Variants in FER observed in about 807,000 individuals in gnomAD.
FER encodes the protein tyrosine-protein kinase Fer.
A neutral mutation model predicts 111.0 loss-of-function variants in FER; 63 were observed. The ratio of observed to expected loss-of-function variants is 0.57; its 90% CI spans 0.46 to 0.70. FER has a LOEUF of 0.70. FER is among the 30% of genes least tolerant of loss of function. The pLI is 0.00. For missense variants in FER, 914 were observed against 954.0 expected, an observed-to-expected ratio of 0.96 and a Z score of 0.55; for synonymous variants, 327 against 313.9, an observed-to-expected ratio of 1.04 and a Z score of -0.44.
At chr5:108,785,684 C>T (rs1259481993) in intron 2 of FER, 1 of 334,662 alleles carries the variant, frequency 3.0e-6, no homozygotes, top group Non-Finnish European at 5.8e-6. Context: ...CCTAGTTAAT[C>T]TCTCTTGCTG....
intron 13 of FER, among the ~76,000 whole-genome samples, chr5:109,017,581 T>C (rs1002519389): frequency 1.8e-4 from 28 of 152,180 alleles, no homozygotes; most frequent in African/African-American, 6.0e-4. Context: ...AGATAACTTA[T>C]TTGCATATCA....
At chr5:108,948,979 C>A (rs1409265105) in intron 11 of FER, among the ~76,000 whole-genome samples, 3 of 152,086 alleles carry the variant, frequency 2.0e-5, no homozygotes, top group Admixed American at 6.6e-5. Context: ...TTTCTACACT[C>A]TGTTGACATG....
At chr5:109,025,468 T>A (rs1172398233) in intron 13 of FER, among the ~76,000 whole-genome samples, 6 of 152,078 alleles carry the variant, frequency 3.9e-5, no homozygotes, top group Admixed American at 3.3e-4. Context: ...GCACATTGAT[T>A]TTGTATCCTG....
At chr5:109,013,703 A>G (rs967905451) in intron 13 of FER, among the ~76,000 whole-genome samples, 2 of 151,970 alleles carry the variant, frequency 1.3e-5, no homozygotes, top group Admixed American at 1.3e-4. Flanking sequence ...CCAACAGTGT[A>G]AAAAAGTGTT....
At chr5:108,873,820 G>A (rs1263594074) in intron 8 of FER, among the ~76,000 whole-genome samples, 3 of 152,160 alleles carry the variant, frequency 2.0e-5, no homozygotes, top group African/African-American at 7.2e-5. Flanking sequence ...CAGTGCACAG[G>A]ACAGCCTCCC....
chr5:108,999,157 C>T (rs564184464), intron 13 of FER, among the ~76,000 whole-genome samples: 3 of 152,044 alleles, frequency 2.0e-5, no homozygotes, highest in Non-Finnish European at 4.4e-5. Context: ...TTAGTGTTAT[C>T]TATAATACTT....
At chr5:109,167,865 T>A (rs990362153) in intron 17 of FER, among the ~76,000 whole-genome samples, 1 of 151,930 alleles carries the variant, frequency 6.6e-6, no homozygotes, top group Non-Finnish European at 1.5e-5. Flanking sequence ...CTTCCAAAGG[T>A]AGAAAAGTTT....
At chr5:109,179,782 C>T (rs1582414397) in intron 17 of FER, among the ~76,000 whole-genome samples, 1 of 152,236 alleles carries the variant, frequency 6.6e-6, no homozygotes. Flanking sequence ...TGCAAATCTA[C>T]ACCATTTTAT....
intron 17 of FER, among the ~76,000 whole-genome samples, chr5:109,165,908 A>G (rs914335812): frequency 1.9e-4 from 29 of 152,150 alleles, no homozygotes; most frequent in Admixed American, 1.8e-3. Context: ...TCAATAAACA[A>G]TGTTTATAAA....
intron 16 of FER, among the ~76,000 whole-genome samples, chr5:109,048,614 G>T (rs1772320059): frequency 6.6e-6 from 1 of 152,122 alleles, no homozygotes; most frequent in African/African-American, 2.4e-5. Flanking sequence ...CTAGTAACCT[G>T]TTTATATTTT....
intron 13 of FER, among the ~76,000 whole-genome samples, chr5:108,991,969 A>G (rs199992125): frequency 0.18 from 27,841 of 151,514 alleles, 2,746 homozygotes; most frequent in Non-Finnish European, 0.22. Flanking sequence ...GGGAAGGTCA[A>G]CAGATAAACA....
At chr5:109,025,853 G>C (rs1413004119) in intron 13 of FER, among the ~76,000 whole-genome samples, 2 of 152,078 alleles carry the variant, frequency 1.3e-5, no homozygotes, top group African/African-American at 4.8e-5. Context: ...TTTGTCAAAG[G>C]CCTTTTTGAA....
intron 16 of FER, among the ~76,000 whole-genome samples, chr5:109,081,364 C>CT (rs945490743): frequency 6.6e-6 from 1 of 151,984 alleles, no homozygotes; most frequent in African/African-American, 2.4e-5. Context: ...TTAATCTTAT[C>CT]TTTTTCCCCA....
chr5:109,105,901 C>T (rs1242148738), intron 17 of FER, among the ~76,000 whole-genome samples: 3 of 152,172 alleles, frequency 2.0e-5, no homozygotes, highest in South Asian at 4.1e-4. Flanking sequence ...TGGAACAGTG[C>T]CTAGCAATTG....
chr5:109,002,205 C>A (rs1381700737), intron 13 of FER, among the ~76,000 whole-genome samples: 1 of 151,874 alleles, frequency 6.6e-6, no homozygotes, highest in Non-Finnish European at 1.5e-5. Flanking sequence ...AGGCATCACG[C>A]TACCTGACTT....
chr5:109,173,936 A>G (rs566793775), intron 17 of FER, among the ~76,000 whole-genome samples: 2 of 152,222 alleles, frequency 1.3e-5, no homozygotes, highest in Admixed American at 1.3e-4. Context: ...AGCACAAATT[A>G]TGCTCTCACT....
intron 5 of FER, among the ~76,000 whole-genome samples, chr5:108,860,593 T>A (rs1029931947): frequency 6.6e-6 from 1 of 152,206 alleles, no homozygotes. Context: ...GAATTTAACT[T>A]CCATGTGAAA....
intron 16 of FER, among the ~76,000 whole-genome samples, chr5:109,080,450 A>T (rs1776857404): frequency 6.6e-6 from 1 of 152,150 alleles, no homozygotes; most frequent in South Asian, 2.1e-4. Flanking sequence ...AAATAAAGTT[A>T]TATGAGTTGT....
chr5:109,084,007 G>T (rs1337951479), intron 16 of FER, among the ~76,000 whole-genome samples: 1 of 151,938 alleles, frequency 6.6e-6, no homozygotes, highest in African/African-American at 2.4e-5. Flanking sequence ...ACCTAACAAA[G>T]TATAATACAC....
Sources: allele counts gnomAD v4.1 joint callset (sites outside exome capture counted in the v4.1 genomes callset), GRCh38; gene constraint gnomAD v4.1.1; transcripts MANE v1.5; gene names NCBI Gene and HGNC (gene_info 2026-07-23, HGNC 2026-07-21).